The following MEIS2 variants were observed in gnomAD, a reference collection of about 807,000 sequenced individuals.
MEIS2 encodes the protein Meis homeobox 2.
A neutral mutation model predicts 58.6 loss-of-function variants in MEIS2; 9 were observed. That is an observed-to-expected ratio of 0.15 (90% CI 0.09 to 0.27). The LOEUF (loss-of-function observed/expected upper bound fraction) is 0.27. MEIS2 is among the 10% of genes least tolerant of loss of function. MEIS2 has a pLI of 1.00. For synonymous variants in MEIS2, 221 were observed against 228.4 expected (o/e 0.97, Z 0.29); for missense variants, 427 against 635.0 (o/e 0.67, Z 3.52).
chr15:37,011,415 T>C (rs2061149398), intron 8 of MEIS2, among the ~76,000 whole-genome samples: 1 of 152,174 alleles, frequency 6.6e-6, no homozygotes, highest in Admixed American at 6.5e-5. Context: ...AATGAAGTTC[T>C]TTATTAAGAT....
chr15:37,028,361 C>G (rs971425438), intron 8 of MEIS2, among the ~76,000 whole-genome samples: 2 of 152,318 alleles, frequency 1.3e-5, no homozygotes, highest in South Asian at 4.1e-4. Flanking sequence ...CCAAACACAT[C>G]AGTCTTTCCA....
intron 8 of MEIS2, among the ~76,000 whole-genome samples, chr15:37,034,870 C>G (rs865855455): frequency 7.2e-5 from 11 of 152,110 alleles, no homozygotes; most frequent in African/African-American, 2.4e-4. Context: ...GAGTTGGGGA[C>G]TTGGAAGTCT....
At chr15:37,055,419 T>TG (rs1009656212) in intron 7 of MEIS2, among the ~76,000 whole-genome samples, 18 of 152,118 alleles carry the variant, frequency 1.2e-4, no homozygotes, top group East Asian at 3.9e-4. Flanking sequence ...TGTGTGTGTG[T>TG]TTTTCCCCCC....
chr15:36,978,650 C>T (rs2059835695), intron 8 of MEIS2, among the ~76,000 whole-genome samples: 1 of 152,188 alleles, frequency 6.6e-6, no homozygotes, highest in Admixed American at 6.5e-5. Flanking sequence ...TATTTTGTGT[C>T]TTTACCTCCC....
chr15:37,088,829 G>A (rs1015573184), intron 6 of MEIS2, among the ~76,000 whole-genome samples: 2 of 152,062 alleles, frequency 1.3e-5, no homozygotes, highest in South Asian at 4.1e-4. Flanking sequence ...ATTATAAAAT[G>A]CCTCTTAAAA....
intron 6 of MEIS2, among the ~76,000 whole-genome samples, chr15:37,086,410 A>C (rs1346128956): frequency 1.3e-5 from 2 of 152,180 alleles, no homozygotes; most frequent in Non-Finnish European, 2.9e-5. Context: ...TGGTATCTGA[A>C]GGAGATGTTT....
rs2055819778 is a variant in MEIS2 at position 36,890,981 on chromosome 15, T to G, written c.*1192A>C. ...TTTTAACACTGTATAGAGTTGGCAT[T>G]GTGCAGTCTTGTCCTAAAACCATTA... On this transcript the variant is annotated 3_prime_UTR_variant, in exon 12 of 12. Coordinates refer to ENST00000561208, the MANE Select transcript of MEIS2 (RefSeq NM_170675.5). 1 of 152,608 alleles carries G rather than the reference T, an allele frequency of 6.6e-6. No individual in the cohort carries two copies. Among genetic ancestry groups the G allele is most frequent in the Admixed American group, 6.5e-5 (1 of 15,276 alleles). 9.5% of individuals were successfully genotyped at this position (152,608 alleles called of 1,614,324 possible).
At chr15:37,056,650 CTGTT>C (rs527658163) in intron 7 of MEIS2, among the ~76,000 whole-genome samples, 2 of 152,008 alleles carry the variant, frequency 1.3e-5, no homozygotes, top group Non-Finnish European at 2.9e-5. Flanking sequence ...TGTCTCAACT[CTGTT>C]TGGCTTCCTA....
rs189658795 is a variant in MEIS2, at chr15:36,971,112, G to A, written c.901-20712C>T. Among the ~76,000 whole-genome samples, 202 of 151,918 alleles carry A rather than the reference G, an allele frequency of 1.3e-3. 5 individuals carry two copies. In the East Asian group the frequency reaches 0.024, roughly 18 times the overall value. On this transcript the variant is annotated intron_variant, in intron 8 of 11. Coordinates refer to ENST00000561208, the MANE Select transcript of MEIS2 (RefSeq NM_170675.5). ...GCTGTGGTGGTGGGCTTGGGGGGGTGGGGGATGTAAAGTCGATTTACCTGC... is the reference window on the plus strand; with the variant it reads ...GCTGTGGTGGTGGGCTTGGGGGGGTAGGGGATGTAAAGTCGATTTACCTGC...
At chr15:37,097,406 C>T (rs1280300728) in intron 2 of MEIS2, 2 of 152,390 alleles carry the variant, frequency 1.3e-5, no homozygotes, top group African/African-American at 4.8e-5. Context: ...AGCAAGAGTC[C>T]CTTCCACCTC....
At chr15:36,994,506 C>G (rs1010723005) in intron 8 of MEIS2, among the ~76,000 whole-genome samples, 1 of 152,116 alleles carries the variant, frequency 6.6e-6, no homozygotes. Flanking sequence ...TTAAATTATT[C>G]CTTTCGTAAT....
intron 9 of MEIS2, among the ~76,000 whole-genome samples, chr15:36,946,742 C>T (rs1331924827): frequency 6.6e-6 from 1 of 151,900 alleles, no homozygotes; most frequent in Non-Finnish European, 1.5e-5. Context: ...ATATATATGA[C>T]CATTATCTCC....
chr15:37,069,658 A>G (rs984317138), intron 7 of MEIS2, among the ~76,000 whole-genome samples: 4 of 152,174 alleles, frequency 2.6e-5, no homozygotes, highest in Non-Finnish European at 5.9e-5. Flanking sequence ...GAGGGACTGT[A>G]ATTCTAGACC....
intron 7 of MEIS2, among the ~76,000 whole-genome samples, chr15:37,047,742 G>A (rs898743986): frequency 3.3e-5 from 5 of 152,270 alleles, no homozygotes; most frequent in African/African-American, 7.2e-5. Context: ...AAAGGTGGTC[G>A]GAGGGATGTG....
intron 8 of MEIS2, among the ~76,000 whole-genome samples, chr15:36,987,383 G>A (rs2060126997): frequency 6.9e-6 from 1 of 145,938 alleles, no homozygotes; most frequent in African/African-American, 2.5e-5. Flanking sequence ...ACTCCAGTGT[G>A]GGCAACGGAG....
chr15:37,026,423 T>C (rs1339895001), intron 8 of MEIS2, among the ~76,000 whole-genome samples: 1 of 152,160 alleles, frequency 6.6e-6, no homozygotes, highest in Non-Finnish European at 1.5e-5. Context: ...AATTGCCAAA[T>C]ATTTCCAAGA....
In MEIS2 at chr15:37,041,279, TC is replaced by T. The variant is rs1158461832; in HGVS notation, c.755-4321del. Among the ~76,000 whole-genome samples, 13 of 152,294 alleles carry T rather than the reference TC, an allele frequency of 8.5e-5. No homozygotes were observed. In the East Asian group the frequency reaches 2.3e-3, roughly 27 times the overall value. The stretch of plus-strand genomic sequence containing the variant: ...TCTAGGTGTGGGGCCCTGTTAATCA[TC>T]CCTGCAGGTGGGTCTGATGCCCACT... On this transcript the variant is annotated intron_variant, in intron 7 of 11. Coordinates refer to ENST00000561208, the MANE Select transcript of MEIS2 (RefSeq NM_170675.5).
intron 8 of MEIS2, among the ~76,000 whole-genome samples, chr15:36,975,940 G>A (rs2059733803): frequency 6.6e-6 from 1 of 152,122 alleles, no homozygotes; most frequent in Non-Finnish European, 1.5e-5. Context: ...ATTCCACAAT[G>A]TATATGTATT....
chr15:36,995,990 T>TATAC (rs2060494199), intron 8 of MEIS2, among the ~76,000 whole-genome samples: 10 of 51,888 alleles, frequency 1.9e-4, no homozygotes, highest in Admixed American at 1.3e-3. Flanking sequence ...TATATATATA[T>TATAC]ATATATATAT....
Sources: allele counts gnomAD v4.1 joint callset (sites outside exome capture counted in the v4.1 genomes callset), GRCh38; gene constraint gnomAD v4.1.1; transcripts MANE v1.5; gene names NCBI Gene and HGNC (gene_info 2026-07-23, HGNC 2026-07-21).